WAC: variants seen among roughly 807,000 people sequenced by gnomAD.
WAC encodes the protein WW domain-containing adapter protein with coiled-coil.
Under a neutral mutation model 79.6 loss-of-function variants are expected in WAC, and 11 were observed. The observed-to-expected ratio is 0.14, with a 90% confidence interval of 0.09 to 0.23. The LOEUF is 0.23. WAC is among the 10% of genes least tolerant of loss of function. The pLI is 1.00. For missense variants in WAC, 728 were observed against 773.5 expected, an observed-to-expected ratio of 0.94 and a Z score of 0.70; for synonymous variants, 304 against 276.9, an observed-to-expected ratio of 1.10 and a Z score of -0.97.
chr10:28,554,570 A>G (rs1224131371), intron 3 of WAC, among the ~76,000 whole-genome samples: 2 of 151,938 alleles, frequency 1.3e-5, no homozygotes, highest in African/African-American at 2.4e-5. Flanking sequence ...CACTTTTTCT[A>G]GGTTGGGCCA....
At chr10:28,536,685 A>G (rs962752255) in intron 3 of WAC, among the ~76,000 whole-genome samples, 3 of 152,210 alleles carry the variant, frequency 2.0e-5, no homozygotes, top group Admixed American at 6.5e-5. Context: ...GTTTGCCTCA[A>G]GCTCTTTGTG....
At chr10:28,576,654 G>A (rs1164217738) in intron 3 of WAC, among the ~76,000 whole-genome samples, 1 of 152,154 alleles carries the variant, frequency 6.6e-6, no homozygotes, top group Non-Finnish European at 1.5e-5. Flanking sequence ...TTTGGTTCTA[G>A]ACTCAGTTAA....
chr10:28,556,089 T>C (rs558754714), intron 3 of WAC, among the ~76,000 whole-genome samples: 1 of 152,310 alleles, frequency 6.6e-6, no homozygotes, highest in South Asian at 2.1e-4. Context: ...TTCCTTTGGA[T>C]AGATATCCAG....
intron 3 of WAC, among the ~76,000 whole-genome samples, chr10:28,560,298 G>T (rs1838230067): frequency 6.6e-6 from 1 of 152,102 alleles, no homozygotes; most frequent in Non-Finnish European, 1.5e-5. Flanking sequence ...AGACTAGGAG[G>T]TCTAGCGAGC....
intron 3 of WAC, among the ~76,000 whole-genome samples, chr10:28,547,901 TTC>T (rs917084128): frequency 4.1e-5 from 6 of 146,926 alleles, no homozygotes; most frequent in African/African-American, 1.5e-4. Context: ...CATTTTAATT[TTC>T]TTTCTCTTTT....
chr10:28,597,919 AC>A (rs933296274), intron 7 of WAC, among the ~76,000 whole-genome samples: 20 of 152,144 alleles, frequency 1.3e-4, no homozygotes, highest in African/African-American at 4.8e-4. Flanking sequence ...GATTTCACTT[AC>A]TGAAATTCAG....
At chr10:28,609,515 T>C (rs1841122013) in intron 8 of WAC, among the ~76,000 whole-genome samples, 1 of 152,246 alleles carries the variant, frequency 6.6e-6, no homozygotes, top group South Asian at 2.1e-4. Flanking sequence ...AATTTTTTTG[T>C]ATTTTTATTT....
intron 3 of WAC, among the ~76,000 whole-genome samples, chr10:28,558,079 A>G (rs1172437508): frequency 6.6e-6 from 1 of 152,214 alleles, no homozygotes; most frequent in Non-Finnish European, 1.5e-5. Flanking sequence ...GTCTCGGAAA[A>G]AAAAAGAAAA....
rs1377250477 is a variant in WAC, at chr10:28,533,487, CCCGCCGCCCG to C, written c.-84_-75del. 32 of 804,436 alleles carry C rather than the reference CCCGCCGCCCG, an allele frequency of 4.0e-5. No homozygotes were observed. Among genetic ancestry groups the C allele is most frequent in the Admixed American group, 6.2e-5 (1 of 16,152 alleles). 49.8% of individuals were successfully genotyped at this position (804,436 alleles called of 1,614,324 possible). A position where few individuals can be genotyped will look rare whatever the true frequency, so the allele number is the denominator to read the frequency against. ...GCGCCGGGCCCAGGTGCCGGGGCTG[CCCGCCGCCCG>C]CCGCCGCCGCCGCCTGCGCGCCCGC... is the stretch of plus-strand genomic sequence containing the variant. On this transcript the variant is annotated 5_prime_UTR_variant, in exon 1 of 14. Transcript: ENST00000354911.
intron 3 of WAC, among the ~76,000 whole-genome samples, chr10:28,580,473 T>G (rs941760788): frequency 5.3e-5 from 8 of 152,250 alleles, no homozygotes; most frequent in African/African-American, 1.9e-4. Flanking sequence ...TGTGGCACTT[T>G]CATTTCATAG....
At chr10:28,607,344 T>G (rs1007305578) in intron 7 of WAC, among the ~76,000 whole-genome samples, 2 of 152,168 alleles carry the variant, frequency 1.3e-5, no homozygotes, top group African/African-American at 4.8e-5. Flanking sequence ...CTGGCAGTGT[T>G]CTTTTTCTTC....
At chr10:28,556,388 A>ATTTTTT (rs764934182) in intron 3 of WAC, among the ~76,000 whole-genome samples, 1,414 of 55,064 alleles carry the variant, frequency 0.026, 202 homozygotes, top group African/African-American at 0.027. Context: ...TGCCCATTAA[A>ATTTTTT]TTTTTTTTTT....
chr10:28,572,317 A>G (rs551767432), intron 3 of WAC, among the ~76,000 whole-genome samples: 30 of 149,142 alleles, frequency 2.0e-4, no homozygotes, highest in African/African-American at 7.0e-4. Context: ...AGCCTGGGCA[A>G]CAGAGTGAGA....
chr10:28,595,959 A>G lies in WAC; in HGVS notation c.837A>G (p.Ser279=), dbSNP rs373928079. The change falls in exon 7 of 14, where the codon TCA becomes TCG. Residue 279 remains serine (S), a synonymous_variant. Transcript: ENST00000354911. ...TLQSDHQPKK[S]FDANGASTLS... ...AGTCTGATCACCAGCCAAAGAAATC[A>G]TTTGATGCTAATGGAGCATCTACTT... The G allele has an allele frequency of 3.7e-6, 6 of 1,614,068 alleles. No homozygotes were observed. The African/African-American group carries it at 8.0e-5, about 22-fold the overall frequency.
chr10:28,579,948 T>C (rs572392720), intron 3 of WAC, among the ~76,000 whole-genome samples: 136 of 151,966 alleles, frequency 8.9e-4, no homozygotes, highest in African/African-American at 3.0e-3. Context: ...AAACCTCTTA[T>C]GTGAATTTGA....
intron 6 of WAC, among the ~76,000 whole-genome samples, chr10:28,595,108 T>A (rs1206927226): frequency 6.6e-6 from 1 of 152,182 alleles, no homozygotes; most frequent in Non-Finnish European, 1.5e-5. Flanking sequence ...TTTTATTAAC[T>A]CTCTGGTATT....
chr10:28,611,946 C>G (rs200936230), intron 10 of WAC, 24 bp downstream of exon 10: 2 of 1,598,018 alleles, frequency 1.3e-6, no homozygotes, highest in Non-Finnish European at 1.7e-6. Flanking sequence ...GAGGGACATT[C>G]GGAAAAGAAA....
At chr10:28,550,368 C>CTT (rs1202500068) in intron 3 of WAC, among the ~76,000 whole-genome samples, 5 of 144,326 alleles carry the variant, frequency 3.5e-5, no homozygotes, top group African/African-American at 7.6e-5. Flanking sequence ...CCTACCTCAC[C>CTT]TTTTTTTTTT....
At chr10:28,577,574 T>C (rs1295899742) in intron 3 of WAC, among the ~76,000 whole-genome samples, 2 of 152,206 alleles carry the variant, frequency 1.3e-5, no homozygotes, top group African/African-American at 4.8e-5. Context: ...TGAAACTCTT[T>C]TAAGTGCTGT....
Sources: allele counts gnomAD v4.1 joint callset (sites outside exome capture counted in the v4.1 genomes callset), GRCh38; gene constraint gnomAD v4.1.1; transcripts MANE v1.5; gene names NCBI Gene and HGNC (gene_info 2026-07-23, HGNC 2026-07-21).